Variants in DPP10 observed in about 807,000 individuals in gnomAD.
DPP10 encodes dipeptidyl peptidase like 10.
A neutral mutation model predicts 120.9 loss-of-function variants in DPP10; 33 were observed. The ratio of observed to expected loss-of-function variants is 0.27; its 90% confidence interval spans 0.21 to 0.37. The LOEUF is 0.37. DPP10 is among the 10% of genes least tolerant of loss of function. The pLI is 1.00. For missense variants in DPP10, 816 were observed against 942.8 expected (o/e 0.87, Z 1.76); for synonymous variants, 337 against 326.1 (o/e 1.03, Z -0.36).
intron 1 of DPP10, among the ~76,000 whole-genome samples, chr2:115,119,607 A>G (rs1176394758): frequency 6.6e-6 from 1 of 152,162 alleles, no homozygotes; most frequent in Non-Finnish European, 1.5e-5. Flanking sequence ...GTCTCTTGCT[A>G]GCTGTCAGGG....
At chr2:115,306,939 T>C (rs907077200) in intron 1 of DPP10, among the ~76,000 whole-genome samples, 1 of 152,244 alleles carries the variant, frequency 6.6e-6, no homozygotes, top group African/African-American at 2.4e-5. Context: ...AAATAACTTA[T>C]TGATTTATTG....
At chr2:115,581,245 A>T (rs1432057900) in intron 5 of DPP10, among the ~76,000 whole-genome samples, 1 of 152,224 alleles carries the variant, frequency 6.6e-6, no homozygotes, top group East Asian at 1.9e-4. Context: ...TGATTTCATA[A>T]GAATAAGTGC....
chr2:115,633,652 CT>C (rs1212712693), intron 5 of DPP10, among the ~76,000 whole-genome samples: 1 of 152,166 alleles, frequency 6.6e-6, no homozygotes, highest in Non-Finnish European at 1.5e-5. Flanking sequence ...GAGAGGTCCA[CT>C]GTTAGTCTGA....
intron 1 of DPP10, among the ~76,000 whole-genome samples, chr2:115,264,989 A>G (rs1204992339): frequency 6.6e-6 from 1 of 152,156 alleles, no homozygotes; most frequent in Non-Finnish European, 1.5e-5. Context: ...GAGAAATATA[A>G]GCCCCTCTTT....
chr2:114,483,484 TA>T (rs1390812082), intron 1 of DPP10, among the ~76,000 whole-genome samples: 1 of 152,074 alleles, frequency 6.6e-6, no homozygotes, highest in East Asian at 1.9e-4. Flanking sequence ...AACAAGATGC[TA>T]ACCAGGAACC....
intron 1 of DPP10, among the ~76,000 whole-genome samples, chr2:115,005,166 T>C (rs1198666841): frequency 6.6e-6 from 1 of 151,662 alleles, no homozygotes; most frequent in African/African-American, 2.4e-5. Context: ...TCCTCTCTCT[T>C]AGAAGGAAAA....
At chr2:115,030,599 G>C (rs1410686699) in intron 1 of DPP10, among the ~76,000 whole-genome samples, 1 of 152,066 alleles carries the variant, frequency 6.6e-6, no homozygotes, top group Non-Finnish European at 1.5e-5. Context: ...TTAAGCCCAG[G>C]ATTCATTAGC....
intron 1 of DPP10, among the ~76,000 whole-genome samples, chr2:114,660,490 A>C (rs148634525): frequency 4.3e-4 from 66 of 152,248 alleles, no homozygotes; most frequent in Non-Finnish European, 7.2e-4. Context: ...AATACTAGAA[A>C]GACTCACTCA....
rs534116090 is a variant in DPP10 at position 115,762,873 on chromosome 2, CT to C, written c.1113+265del. 2.0e-5 allele frequency among the ~76,000 whole-genome samples: 3 copies of C among 152,232 alleles called. No individual in the cohort carries two copies. In the South Asian group the frequency reaches 6.2e-4, roughly 32 times the overall value. ...TTAAAATATTCTGTGTAAGTACACTCTTGTGTAGATGAAGGAGAAAAACTCA... is the reference window on the plus strand; with the variant it reads ...TTAAAATATTCTGTGTAAGTACACTCTGTGTAGATGAAGGAGAAAAACTCA... On this transcript the variant is annotated intron_variant, in intron 12 of 25. Coordinates refer to ENST00000410059, the MANE Select transcript of DPP10 (RefSeq NM_020868.6).
chr2:114,760,274 A>G (rs1225877033), intron 1 of DPP10, among the ~76,000 whole-genome samples: 1 of 152,172 alleles, frequency 6.6e-6, no homozygotes, highest in Non-Finnish European at 1.5e-5. Flanking sequence ...CCGTCCTAGC[A>G]TATAGGAAAA....
chr2:115,425,869 G>A (rs2070409071), intron 3 of DPP10, among the ~76,000 whole-genome samples: 1 of 152,300 alleles, frequency 6.6e-6, no homozygotes, highest in South Asian at 2.1e-4. Context: ...GGAGGTGAAA[G>A]GGGAGGAGCC....
chr2:115,319,317 A>G (rs12611770), intron 2 of DPP10, among the ~76,000 whole-genome samples: 110,635 of 151,982 alleles, frequency 0.73, 40,805 homozygotes, highest in Admixed American at 0.79. Context: ...AAGGATTTTT[A>G]CATCTGTATT....
intron 1 of DPP10, among the ~76,000 whole-genome samples, chr2:114,607,022 A>G (rs1692867959): frequency 1.3e-5 from 2 of 152,210 alleles, no homozygotes; most frequent in South Asian, 4.1e-4. Context: ...TGATGGAGAC[A>G]TCACCATGGT....
intron 1 of DPP10, among the ~76,000 whole-genome samples, chr2:114,638,422 C>A (rs994555411): frequency 6.6e-6 from 1 of 151,558 alleles, no homozygotes; most frequent in East Asian, 1.9e-4. Context: ...CTATAAGAAA[C>A]GTAGGCAAAA....
At chr2:115,032,576 T>C (rs1703912275) in intron 1 of DPP10, among the ~76,000 whole-genome samples, 1 of 152,094 alleles carries the variant, frequency 6.6e-6, no homozygotes, top group Admixed American at 6.5e-5. Context: ...AAGTTCCATC[T>C]ACACTTAGAA....
intron 7 of DPP10, among the ~76,000 whole-genome samples, chr2:115,691,875 T>G (rs1041935001): frequency 6.6e-6 from 1 of 152,158 alleles, no homozygotes; most frequent in Non-Finnish European, 1.5e-5. Flanking sequence ...AAATTTACAC[T>G]TTATCATTTT....
In DPP10 at chr2:115,780,936, G is replaced by C; in HGVS notation, c.1424G>C (p.Cys475Ser). Residue 475 changes from cysteine (C) to serine (S), a missense_variant, in exon 16 of 26, where the codon TGT becomes TCT. Cys to Ser is a moderately radical substitution (Grantham distance 112, BLOSUM62 -1). Transcript: ENST00000410059. Reference protein sequence around the residue: ...CISCNFMKEQCTYFDASFSPM... With the variant: ...CISCNFMKEQSTYFDASFSPM... ...TCATGTAATTTCATGAAAGAACAATGTACATATTTTGATGCCAGTTTTAGT... is the reference window on the plus strand; with the variant it reads ...TCATGTAATTTCATGAAAGAACAATCTACATATTTTGATGCCAGTTTTAGT... 2 of 1,604,294 alleles carry C rather than the reference G, an allele frequency of 1.2e-6. No homozygotes were observed.
At chr2:114,961,154 C>A (rs1304292113) in intron 1 of DPP10, among the ~76,000 whole-genome samples, 1 of 137,566 alleles carries the variant, frequency 7.3e-6, no homozygotes, top group East Asian at 2.3e-4. Flanking sequence ...CGGGTTCAAG[C>A]AGCAATTCTT....
At chr2:115,511,291 T>C (rs1448464) in intron 4 of DPP10, among the ~76,000 whole-genome samples, 32,258 of 152,022 alleles carry the variant, frequency 0.21, 3,939 homozygotes, top group East Asian at 0.39. Context: ...TCCAAATATA[T>C]ATTACTTCTG....
Sources: allele counts gnomAD v4.1 joint callset (sites outside exome capture counted in the v4.1 genomes callset), GRCh38; gene constraint gnomAD v4.1.1; transcripts MANE v1.5; gene names NCBI Gene and HGNC (gene_info 2026-07-23, HGNC 2026-07-21).